The following RGS9 variants were observed in gnomAD, a reference collection of about 807,000 sequenced individuals.
RGS9 encodes regulator of G-protein signalling 9.
Under a neutral mutation model 102.0 loss-of-function variants are expected in RGS9, and 78 were observed. The observed-to-expected ratio is 0.76, with a 90% CI of 0.64 to 0.92. The LOEUF (loss-of-function observed/expected upper bound fraction) is 0.92. RGS9 is among the 40% of genes least tolerant of loss of function. RGS9 has a pLI of 0.00. For synonymous variants in RGS9, 353 were observed against 318.6 expected (o/e 1.11, Z -1.15); for missense variants, 833 against 866.1 (o/e 0.96, Z 0.48).
chr17:65,183,111 C>T (rs80011891), intron 9 of RGS9, among the ~76,000 whole-genome samples: 2,013 of 77,990 alleles, frequency 0.026, 32 homozygotes, highest in East Asian at 0.095. Flanking sequence ...TATCTATCTA[C>T]CTACCTACCT....
intron 17 of RGS9, among the ~76,000 whole-genome samples, chr17:65,211,227 G>A (rs1913284774): frequency 1.3e-5 from 2 of 152,324 alleles, no homozygotes; most frequent in East Asian, 1.9e-4. Flanking sequence ...TTGCAGGGAA[G>A]TACTTTCTCT....
rs754399132 is a variant in RGS9 at position 65,189,320 on chromosome 17, T to C, written c.684+5T>C. 6.8e-6 allele frequency: 11 copies of C among 1,606,274 alleles called. No individual in the cohort carries two copies. In the South Asian group the frequency reaches 8.8e-5, roughly 13 times the overall value. ...GTCGTTGCTGTCAAAAAAGAGGTAA[T>C]TAGTCTTACACTTCCAGTGAAGAAT... On this transcript the variant is annotated splice_donor_5th_base_variant and intron_variant, in intron 10 of 18. Coordinates refer to ENST00000262406, the MANE Select transcript of RGS9 (RefSeq NM_003835.4).
intron 2 of RGS9, among the ~76,000 whole-genome samples, chr17:65,155,135 C>T (rs959292780): frequency 6.6e-6 from 1 of 152,196 alleles, no homozygotes; most frequent in African/African-American, 2.4e-5. Flanking sequence ...TTTGGAAAGG[C>T]CAAGAACCAG....
chr17:65,209,556 C>A (rs1231664516), intron 16 of RGS9, among the ~76,000 whole-genome samples: 3 of 152,212 alleles, frequency 2.0e-5, no homozygotes, highest in Admixed American at 6.5e-5. Context: ...ACTTGGATAC[C>A]TAGAGCTTTG....
At chr17:65,167,132 C>A (rs1293525364) in intron 7 of RGS9, among the ~76,000 whole-genome samples, 1 of 152,158 alleles carries the variant, frequency 6.6e-6, no homozygotes, top group African/African-American at 2.4e-5. Context: ...GGCCCTGCGT[C>A]ATTTCCCATC....
At chr17:65,153,288 T>G in intron 1 of RGS9, 134 bp from the exon 2 acceptor site, 1 of 790,950 alleles carries the variant, frequency 1.3e-6, no homozygotes, top group Non-Finnish European at 2.3e-6. Flanking sequence ...AGTGCCCACC[T>G]GGCTCCTGTA....
chr17:65,215,852 C>T (rs183050224), intron 17 of RGS9, among the ~76,000 whole-genome samples: 72 of 152,250 alleles, frequency 4.7e-4, no homozygotes, highest in Non-Finnish European at 7.5e-4. Context: ...TGAGCCACTG[C>T]GCCTGGCCTT....
At chr17:65,199,950 T>G (rs377748674) in intron 13 of RGS9, among the ~76,000 whole-genome samples, 42 of 152,396 alleles carry the variant, frequency 2.8e-4, no homozygotes, top group African/African-American at 9.4e-4. Context: ...TGAATAATGC[T>G]GCTATGAACT....
At chr17:65,214,524 G>T (rs1204142224) in intron 17 of RGS9, among the ~76,000 whole-genome samples, 1 of 152,202 alleles carries the variant, frequency 6.6e-6, no homozygotes, top group Admixed American at 6.5e-5. Context: ...TTTGGAGGAG[G>T]CGTGCTTGAG....
chr17:65,225,366 T>A lies in RGS9; in HGVS notation c.1772T>A (p.Leu591Gln). 6.2e-7 allele frequency: 1 copy of A among 1,611,980 alleles called. No homozygotes were observed. Among genetic ancestry groups the A allele is most frequent in the Non-Finnish European group, 8.5e-7 (1 of 1,180,030 alleles). Residue 591 changes from leucine to glutamine, a missense_variant, in exon 18 of 19, where the codon CTG becomes CAG. Coordinates refer to ENST00000262406, the MANE Select transcript of RGS9 (RefSeq NM_003835.4). ...SFSRFLRRGCLASPVFARLSP... is the reference protein window; with the variant it reads ...SFSRFLRRGCQASPVFARLSP... The stretch of plus-strand genomic sequence containing the variant: ...AGCAGGTTTCTGAGACGAGGCTGTC[T>A]GGCCTCACCTGTCTTTGCCAGGCTC...
chr17:65,147,425 A>G (rs1489935053), intron 1 of RGS9, among the ~76,000 whole-genome samples: 1 of 151,974 alleles, frequency 6.6e-6, no homozygotes, highest in Non-Finnish European at 1.5e-5. Context: ...ACCCCTCAGC[A>G]TCAAGTTAGG....
At chr17:65,183,837 C>A (rs1317843660) in intron 9 of RGS9, among the ~76,000 whole-genome samples, 1 of 152,218 alleles carries the variant, frequency 6.6e-6, no homozygotes, top group East Asian at 1.9e-4. Flanking sequence ...TGGCCTGACC[C>A]CTTCTGCCCT....
At chr17:65,146,310 C>G (rs1387892037) in intron 1 of RGS9, among the ~76,000 whole-genome samples, 1 of 152,186 alleles carries the variant, frequency 6.6e-6, no homozygotes, top group African/African-American at 2.4e-5. Context: ...AAAATCTTGG[C>G]CTGGCGTGGT....
intron 11 of RGS9, among the ~76,000 whole-genome samples, chr17:65,190,850 C>A (rs1206500744): frequency 1.3e-5 from 2 of 152,278 alleles, no homozygotes; most frequent in African/African-American, 2.4e-5. Context: ...TGGGATTTTC[C>A]TGCACACATG....
At chr17:65,187,622 C>T (rs1188600506) in intron 9 of RGS9, among the ~76,000 whole-genome samples, 1 of 152,170 alleles carries the variant, frequency 6.6e-6, no homozygotes, top group Non-Finnish European at 1.5e-5. Flanking sequence ...AAGTAGTGTC[C>T]TCCTCAGACT....
rs1237492588 is a variant in RGS9, at chr17:65,190,567, T to A, written c.746+331T>A. On this transcript the variant is annotated intron_variant, in intron 11 of 18. Coordinates refer to ENST00000262406, the MANE Select transcript of RGS9 (RefSeq NM_003835.4). ...TGTGAGGATCCAAGACAGCCTGGGT[T>A]CCTATCGTTACTGGTTCCAATTCAT... Among the ~76,000 whole-genome samples, 3 of 152,340 alleles carry A rather than the reference T, an allele frequency of 2.0e-5. No homozygotes were observed. The East Asian group carries it at 5.8e-4, about 29-fold the overall frequency.
chr17:65,202,597 C>G (rs1279231686), intron 14 of RGS9, among the ~76,000 whole-genome samples: 1 of 152,180 alleles, frequency 6.6e-6, no homozygotes, highest in Non-Finnish European at 1.5e-5. Flanking sequence ...GGGGTACAAA[C>G]ATGGGTGGGC....
At chr17:65,153,339 T>A in intron 1 of RGS9, 83 bp from the exon 2 acceptor site, 1 of 1,163,982 alleles carries the variant, frequency 8.6e-7, no homozygotes, top group Non-Finnish European at 1.3e-6. Flanking sequence ...CATTTTGAGG[T>A]CCCTCTCAGT....
chr17:65,173,890 A>G lies in RGS9; in HGVS notation c.583-3842A>G, dbSNP rs1353342664. ...GTCTCTGAAACCAGCAGAGGCAGAA[A>G]GGCAGCCCTCTCACCAGTTTCGAGG... On this transcript the variant is annotated intron_variant, in intron 8 of 18. Coordinates refer to ENST00000262406, the MANE Select transcript of RGS9 (RefSeq NM_003835.4). The surrounding 1 kb of genome is among the most constrained non-coding windows in gnomAD (Gnocchi z 4.8). Among the ~76,000 whole-genome samples, 1 of 152,250 alleles carries G rather than the reference A, an allele frequency of 6.6e-6. No homozygotes were observed. The highest frequency in any genetic ancestry group is 1.5e-5 in the Non-Finnish European group (1 of 68,042).
Sources: gnomAD v4.1 joint callset for allele counts (sites outside exome capture counted in the v4.1 genomes callset) on GRCh38, gnomAD v4.1.1 for gene constraint, Gnocchi (gnomAD v3.1) non-coding constraint, MANE v1.5 for transcripts, NCBI Gene and HGNC (gene_info 2026-07-23, HGNC 2026-07-21) for gene names.